The following SLC25A26 variants were observed in gnomAD, a reference collection of about 807,000 sequenced individuals.
SLC25A26 encodes the protein mitochondrial S-adenosylmethionine carrier protein.
Under a neutral mutation model 37.8 loss-of-function variants are expected in SLC25A26, and 36 were observed. The ratio of observed to expected loss-of-function variants is 0.95; its 90% CI spans 0.73 to 1.26. The LOEUF is 1.26. Among genes scored for constraint, SLC25A26 ranks in the 50% most tolerant of loss-of-function variants. The pLI is 0.00. For missense variants in SLC25A26, 390 were observed against 331.1 expected (o/e 1.18, Z -1.38); for synonymous variants, 129 against 122.5 (o/e 1.05, Z -0.35).
In SLC25A26 at chr3:66,249,150, A is replaced by T. The variant is rs79382014; in HGVS notation, c.300+5838A>T. Among the ~76,000 whole-genome samples the T allele has an allele frequency of 2.1e-3, 317 of 152,260 alleles. 5 individuals are homozygous for T. The East Asian group carries it at 0.042, about 20-fold the overall frequency. ...AGACCTAAAAAGGCTAGTTTAATAA[A>T]CTGGTTATTTTTGAGTGTGACAATG... is the stretch of plus-strand genomic sequence containing the variant. On this transcript the variant is annotated intron_variant, in intron 3 of 9. Transcript: ENST00000354883.
intron 5 of SLC25A26, among the ~76,000 whole-genome samples, chr3:66,336,504 A>T (rs77986653): frequency 2.2e-3 from 334 of 152,312 alleles, no homozygotes; most frequent in Non-Finnish European, 3.4e-3. Flanking sequence ...ATTCTAACTA[A>T]AAACATCTGT....
intron 5 of SLC25A26, among the ~76,000 whole-genome samples, chr3:66,263,834 A>G (rs1477344885): frequency 6.6e-6 from 1 of 151,804 alleles, no homozygotes; most frequent in African/African-American, 2.4e-5. Flanking sequence ...GATTTTTTGT[A>G]TTTTTAGTAG....
intron 1 of SLC25A26, among the ~76,000 whole-genome samples, chr3:66,198,820 T>A (rs1175381004): frequency 6.6e-6 from 1 of 152,054 alleles, no homozygotes; most frequent in African/African-American, 2.4e-5. Flanking sequence ...ACTTTGACCC[T>A]GACCCTTACC....
intron 5 of SLC25A26, among the ~76,000 whole-genome samples, chr3:66,268,146 T>C (rs551841791): frequency 6.8e-4 from 104 of 152,364 alleles, no homozygotes; most frequent in African/African-American, 2.4e-3. Flanking sequence ...TAGTAGTCCA[T>C]TGTATAAACA....
chr3:66,194,695 C>G (rs931979504), intron 1 of SLC25A26, among the ~76,000 whole-genome samples: 4 of 152,172 alleles, frequency 2.6e-5, no homozygotes, highest in African/African-American at 4.8e-5. Flanking sequence ...ACCTCCGCGC[C>G]CGTTCAAGTG....
intron 9 of SLC25A26, among the ~76,000 whole-genome samples, chr3:66,377,101 G>A (rs917920526): frequency 1.4e-4 from 21 of 152,080 alleles, no homozygotes; most frequent in African/African-American, 3.6e-4. Context: ...TTGTATCCTC[G>A]TGGCATTGTA....
intron 1 of SLC25A26, among the ~76,000 whole-genome samples, chr3:66,215,426 C>T (rs1458208359): frequency 2.0e-5 from 3 of 152,124 alleles, no homozygotes; most frequent in Admixed American, 2.0e-4. Flanking sequence ...GTCTTGAATT[C>T]CTGGACTCAA....
chr3:66,370,984 G>C (rs150954050), intron 9 of SLC25A26, among the ~76,000 whole-genome samples: 1 of 152,300 alleles, frequency 6.6e-6, no homozygotes, highest in African/African-American at 2.4e-5. Context: ...ACTATTATTA[G>C]TAACAAATTA....
chr3:66,281,413 G>T (rs78993683), intron 5 of SLC25A26, among the ~76,000 whole-genome samples: 2,489 of 152,246 alleles, frequency 0.016, 76 homozygotes, highest in African/African-American at 0.057. Flanking sequence ...GATACTTCTT[G>T]TCTGAAGCAT....
chr3:66,296,869 A>T (rs537543506), intron 5 of SLC25A26, among the ~76,000 whole-genome samples: 1 of 152,370 alleles, frequency 6.6e-6, no homozygotes, highest in African/African-American at 2.4e-5. Context: ...GTAAGAACTG[A>T]GAAGTCCTCG....
intron 5 of SLC25A26, among the ~76,000 whole-genome samples, chr3:66,294,099 T>C (rs546230314): frequency 2.0e-5 from 3 of 152,308 alleles, no homozygotes; most frequent in East Asian, 1.9e-4. Flanking sequence ...GAATCTATTA[T>C]ATAAATTGCT....
At chr3:66,151,434 G>A (rs1027983924) in intron 1 of SLC25A26, among the ~76,000 whole-genome samples, 5 of 152,204 alleles carry the variant, frequency 3.3e-5, no homozygotes, top group African/African-American at 1.2e-4. Context: ...ATGCTAGCAA[G>A]CAATGTATTT....
intron 1 of SLC25A26, among the ~76,000 whole-genome samples, chr3:66,186,333 C>T (rs889027743): frequency 1.1e-4 from 17 of 151,708 alleles, no homozygotes; most frequent in Non-Finnish European, 2.5e-4. Context: ...CTGAATCTGA[C>T]CCTCAACTTG....
chr3:66,276,065 T>C (rs1044994489), intron 5 of SLC25A26, among the ~76,000 whole-genome samples: 8 of 152,066 alleles, frequency 5.3e-5, no homozygotes, highest in African/African-American at 1.9e-4. Flanking sequence ...GCAATTGGAA[T>C]CATTCAAAGG....
intron 9 of SLC25A26, among the ~76,000 whole-genome samples, chr3:66,373,128 C>T (rs778066340): frequency 6.6e-6 from 1 of 152,148 alleles, no homozygotes; most frequent in Non-Finnish European, 1.5e-5. Context: ...CCCGGATGGC[C>T]CCTTTCTGGT....
chr3:66,215,707 A>C (rs2071350501), intron 1 of SLC25A26, among the ~76,000 whole-genome samples: 1 of 152,212 alleles, frequency 6.6e-6, no homozygotes, highest in African/African-American at 2.4e-5. Flanking sequence ...CTGACTTTTC[A>C]AACAGGCCTT....
At chr3:66,216,429 T>C (rs2071362252), upstream of SLC25A26, among the ~76,000 whole-genome samples, 1 of 152,082 alleles carries the variant, frequency 6.6e-6, no homozygotes, top group Non-Finnish European at 1.5e-5. Context: ...GGAAGATTGC[T>C]TGAACCCGGA....
intron 1 of SLC25A26, among the ~76,000 whole-genome samples, chr3:66,203,859 T>G (rs2071139419): frequency 6.6e-6 from 1 of 152,214 alleles, no homozygotes; most frequent in Non-Finnish European, 1.5e-5. Context: ...TGAGTTCATC[T>G]GCTTATGTTT....
intron 5 of SLC25A26, among the ~76,000 whole-genome samples, chr3:66,327,947 A>T (rs542025268): frequency 1.3e-5 from 2 of 151,960 alleles, no homozygotes; most frequent in African/African-American, 2.4e-5. Context: ...GAGTGGCGGA[A>T]TTGGAAAATT....
Sources: allele counts gnomAD v4.1 joint callset (sites outside exome capture counted in the v4.1 genomes callset), GRCh38; gene constraint gnomAD v4.1.1; transcripts MANE v1.5; gene names NCBI Gene and HGNC (gene_info 2026-07-23, HGNC 2026-07-21).